The following DGKB variants were observed in gnomAD, a reference collection of about 807,000 sequenced individuals.
The protein encoded by DGKB is diacylglycerol kinase beta.
In DGKB, 67 loss-of-function variants were observed where a neutral mutation model predicts 114.3. The observed-to-expected ratio is 0.59, with a 90% CI of 0.48 to 0.72. The LOEUF is 0.72. DGKB is among the 30% of genes least tolerant of loss of function. DGKB has a pLI of 0.00. For missense variants in DGKB, 907 were observed against 975.2 expected (o/e 0.93, Z 0.93); for synonymous variants, 398 against 323.1 (o/e 1.23, Z -2.49).
intron 5 of DGKB, among the ~76,000 whole-genome samples, chr7:14,719,937 G>A (rs1463055482): frequency 1.3e-5 from 2 of 152,126 alleles, no homozygotes; most frequent in African/African-American, 4.8e-5. Flanking sequence ...TTACAGATTA[G>A]GGACCGTCTT....
intron 6 of DGKB, among the ~76,000 whole-genome samples, chr7:14,705,689 C>A (rs1291883969): frequency 1.3e-5 from 2 of 150,300 alleles, no homozygotes; most frequent in South Asian, 4.3e-4. Context: ...GAATTTTCAA[C>A]CCAGAATTTC....
chr7:14,782,607 A>G (rs1339087506), intron 2 of DGKB, among the ~76,000 whole-genome samples: 1 of 152,156 alleles, frequency 6.6e-6, no homozygotes, highest in Admixed American at 6.5e-5. Flanking sequence ...CAAATATTAC[A>G]CCAATAATGA....
Position 14,357,376 on chromosome 7 carries a change from T to C in DGKB, c.1836-11985A>G, listed in dbSNP as rs557197242. On this transcript the variant is annotated intron_variant, in intron 21 of 25. Coordinates refer to ENST00000402815, the MANE Select transcript of DGKB (RefSeq NM_001350709.2). ...TGGCCTTCTTTGTCTCTTTTGATCT[T>C]TGTTGGTTTAAAGTCTGTTTTATCA... 2.6e-5 allele frequency among the ~76,000 whole-genome samples: 4 copies of C among 152,298 alleles called. No individual in the cohort carries two copies. In the East Asian group the frequency reaches 7.7e-4, roughly 29 times the overall value.
At chr7:14,340,275 C>T (rs764016885) in intron 22 of DGKB, among the ~76,000 whole-genome samples, 29 of 149,176 alleles carry the variant, frequency 1.9e-4, no homozygotes, top group East Asian at 2.0e-4. Context: ...ACTCACTTAC[C>T]GCTATATATT....
chr7:14,520,470 T>G (rs530798986), intron 20 of DGKB, among the ~76,000 whole-genome samples: 5 of 151,978 alleles, frequency 3.3e-5, no homozygotes, highest in Non-Finnish European at 7.4e-5. Context: ...CATCTATAAA[T>G]GTTCCTCTAA....
intron 21 of DGKB, among the ~76,000 whole-genome samples, chr7:14,429,321 C>T (rs1389475716): frequency 6.6e-6 from 1 of 151,998 alleles, no homozygotes; most frequent in South Asian, 2.1e-4. Context: ...CTCTCTTTCT[C>T]TTTTTTTCTA....
chr7:14,160,835 A>G (rs1783768671), intron 25 of DGKB, among the ~76,000 whole-genome samples: 1 of 152,326 alleles, frequency 6.6e-6, no homozygotes, highest in East Asian at 1.9e-4. Context: ...AAAAGAACAA[A>G]GCTGGAGGCA....
chr7:14,632,391 T>C (rs1809891395), intron 13 of DGKB, among the ~76,000 whole-genome samples: 1 of 150,868 alleles, frequency 6.6e-6, no homozygotes, highest in South Asian at 2.1e-4. Flanking sequence ...TTCAGCTTTA[T>C]ATATATATAT....
intron 13 of DGKB, among the ~76,000 whole-genome samples, chr7:14,636,666 T>C (rs1810813908): frequency 6.6e-6 from 1 of 151,834 alleles, no homozygotes. Context: ...ATTCCATAAA[T>C]ATGTCATCAT....
chr7:14,959,487 A>G (rs986004896), intron 1 of DGKB, among the ~76,000 whole-genome samples: 6 of 151,878 alleles, frequency 4.0e-5, no homozygotes, highest in African/African-American at 1.2e-4. Flanking sequence ...CTTGAATTTA[A>G]TATTTTTAAA....
chr7:14,863,960 G>A (rs964747999), intron 1 of DGKB, among the ~76,000 whole-genome samples: 15 of 151,848 alleles, frequency 9.9e-5, no homozygotes, highest in Admixed American at 2.0e-4. Flanking sequence ...TTAGCCAGGC[G>A]TGGTGGCACA....
intron 21 of DGKB, among the ~76,000 whole-genome samples, chr7:14,381,154 T>C (rs1486265681): frequency 6.6e-6 from 1 of 152,182 alleles, no homozygotes; most frequent in African/African-American, 2.4e-5. Flanking sequence ...GAAACTCCAG[T>C]GTTGGAACCT....
At chr7:14,583,296 TA>T (rs1162384495) in intron 17 of DGKB, among the ~76,000 whole-genome samples, 159 bp from the exon 18 acceptor site, 2 of 152,166 alleles carry the variant, frequency 1.3e-5, no homozygotes, top group African/African-American at 4.8e-5. Context: ...TCCTATTTTA[TA>T]ATTATATATT....
intron 1 of DGKB, among the ~76,000 whole-genome samples, chr7:14,857,262 G>GTGTGTGTGTGTGTGTGTC (rs750405573): frequency 2.3e-4 from 35 of 150,780 alleles, no homozygotes; most frequent in Middle Eastern, 3.4e-3. Flanking sequence ...GTGTGTTTGT[G>GTGTGTGTGTGTGTGTGTC]TGTGTGTGTG....
At chr7:14,667,806 C>A (rs114268227) in intron 13 of DGKB, among the ~76,000 whole-genome samples, 2 of 152,020 alleles carry the variant, frequency 1.3e-5, no homozygotes, top group Non-Finnish European at 2.9e-5. Flanking sequence ...GTACAACAGT[C>A]AATATTTTTA....
At chr7:14,423,580 T>A (rs1420009696) in intron 21 of DGKB, among the ~76,000 whole-genome samples, 1 of 152,082 alleles carries the variant, frequency 6.6e-6, no homozygotes, top group Non-Finnish European at 1.5e-5. Context: ...AAATTGGTTT[T>A]GATATATTTT....
At chr7:14,296,223 G>A (rs2128480056) in intron 23 of DGKB, among the ~76,000 whole-genome samples, 1 of 151,752 alleles carries the variant, frequency 6.6e-6, no homozygotes, top group South Asian at 2.1e-4. Flanking sequence ...ATAGAGACGG[G>A]GTTTCACCAT....
At chr7:14,333,876 C>T (rs988807794) in intron 23 of DGKB, among the ~76,000 whole-genome samples, 3 of 152,262 alleles carry the variant, frequency 2.0e-5, no homozygotes, top group Middle Eastern at 3.4e-3. Context: ...AATTGCAAAG[C>T]TTCAATTAGT....
intron 1 of DGKB, among the ~76,000 whole-genome samples, chr7:14,867,626 T>A (rs541775334): frequency 8.5e-5 from 13 of 152,246 alleles, no homozygotes; most frequent in African/African-American, 3.1e-4. Context: ...ATTATAAACC[T>A]CTAAATATGT....
Sources: gnomAD v4.1 joint callset for allele counts (sites outside exome capture counted in the v4.1 genomes callset) on GRCh38, gnomAD v4.1.1 for gene constraint, MANE v1.5 for transcripts, NCBI Gene and HGNC (gene_info 2026-07-23, HGNC 2026-07-21) for gene names.